The following CEP164 variants were observed in gnomAD, a reference collection of about 807,000 sequenced individuals.
The protein encoded by CEP164 is centrosomal protein of 164 kDa.
A neutral mutation model predicts 182.7 loss-of-function variants in CEP164; 162 were observed. The ratio of observed to expected loss-of-function variants is 0.89; its 90% confidence interval spans 0.78 to 1.01. The LOEUF (loss-of-function observed/expected upper bound fraction) is 1.01. CEP164 is among the 50% of genes least tolerant of loss of function. The probability of loss-of-function intolerance (pLI) is 0.00; values close to 1 mark genes in which losing one functional copy is unlikely to be tolerated. For synonymous variants in CEP164, 661 were observed against 690.0 expected, an observed-to-expected ratio of 0.96 and a Z score of 0.66; for missense variants, 1,735 against 1,790.4, an observed-to-expected ratio of 0.97 and a Z score of 0.56.
intron 18 of CEP164, 54 bp from the exon 19 acceptor site, chr11:117,392,442 C>CT (rs542233812): frequency 1.2e-5 from 19 of 1,590,756 alleles, no homozygotes; most frequent in Admixed American, 3.4e-5. Context: ...CACACAGCAG[C>CT]TGTACAGTCT....
intron 9 of CEP164, 26 bp downstream of exon 9, chr11:117,371,492 G>T (rs1355362733): frequency 6.3e-7 from 1 of 1,584,260 alleles, no homozygotes; most frequent in South Asian, 1.2e-5. Flanking sequence ...CCATAGGCAG[G>T]GGTTGGCTGT....
chr11:117,355,284 T>A, intron 5 of CEP164: 4 of 1,289,762 alleles, frequency 3.1e-6, no homozygotes, highest in Non-Finnish European at 4.0e-6. Flanking sequence ...AAAATCTACC[T>A]GGGGTTTTCA....
At chr11:117,410,011 T>C (rs1240151524) in intron 30 of CEP164, 46 bp downstream of exon 30, 2 of 1,504,012 alleles carry the variant, frequency 1.3e-6, no homozygotes, top group African/African-American at 1.4e-5. Flanking sequence ...CTCCTCCTCC[T>C]CCTCTTCCTT....
intron 30 of CEP164, 69 bp downstream of exon 30, chr11:117,410,034 C>T: frequency 1.5e-6 from 2 of 1,375,468 alleles, no homozygotes; most frequent in South Asian, 1.2e-5. Flanking sequence ...TTTTCTTCTA[C>T]CCTCTTTCTC....
chr11:117,396,445 G>C, intron 25 of CEP164, 105 bp from the exon 26 acceptor site: 1 of 954,470 alleles, frequency 1.0e-6, no homozygotes, highest in Non-Finnish European at 1.7e-6. Flanking sequence ...GGCAGCTAGA[G>C]AGCCATTTCC....
rs2047462610 is a variant in CEP164, at chr11:117,412,507, A to C, written c.*339A>C. On this transcript the variant is annotated 3_prime_UTR_variant, in exon 33 of 33. Transcript: ENST00000278935. Reference sequence around the variant, plus strand: ...TCGGAGGCTCAGGGAGTCCCTTTGGAGCTGGTTGTTTCCTTGGCCCTGCAG... The same window carrying C: ...TCGGAGGCTCAGGGAGTCCCTTTGGCGCTGGTTGTTTCCTTGGCCCTGCAG... 1 of 243,118 alleles carries C rather than the reference A, an allele frequency of 4.1e-6. No individual in the cohort carries two copies. Among genetic ancestry groups the C allele is most frequent in the Non-Finnish European group, 8.1e-6 (1 of 123,166 alleles). 15.1% of individuals were successfully genotyped at this position (243,118 alleles called of 1,614,324 possible). A position where few individuals can be genotyped will look rare whatever the true frequency, so the allele number is the denominator to read the frequency against.
At chr11:117,396,502 T>G (rs1592401495) in intron 25 of CEP164, 48 bp from the exon 26 acceptor site, 1 of 1,488,386 alleles carries the variant, frequency 6.7e-7, no homozygotes, top group East Asian at 2.3e-5. Flanking sequence ...ACCTGCAGGG[T>G]GTCTGCTTTT....
chr11:117,336,655 T>A, intron 2 of CEP164: 1 of 1,005,320 alleles, frequency 9.9e-7, no homozygotes, highest in Admixed American at 1.7e-5. Flanking sequence ...CTCCAGCCTT[T>A]CCACGGCTGC....
chr11:117,370,617 A>G (rs1471021147), intron 8 of CEP164, among the ~76,000 whole-genome samples: 1 of 152,170 alleles, frequency 6.6e-6, no homozygotes, highest in East Asian at 1.9e-4. Context: ...CTGTGTTTTA[A>G]AAAGCTGGGT....
chr11:117,383,069 T>A, intron 14 of CEP164, 127 bp downstream of exon 14: 3 of 1,069,826 alleles, frequency 2.8e-6, no homozygotes, highest in Non-Finnish European at 3.9e-6. Context: ...GTAGGGAGAT[T>A]AAGCATATCC....
intron 2 of CEP164, chr11:117,336,135 T>C: frequency 6.4e-7 from 1 of 1,558,276 alleles, no homozygotes; most frequent in Non-Finnish European, 8.7e-7. Flanking sequence ...CAGTACAACA[T>C]GGCTTCTGAA....
Position 117,396,198 on chromosome 11 carries a change from G to A in CEP164, c.3216+18G>A. 1.4e-6 allele frequency: 2 copies of A among 1,468,444 alleles called. No individual in the cohort carries two copies. Among genetic ancestry groups the A allele is most frequent in the Non-Finnish European group, 1.9e-6 (2 of 1,055,132 alleles). The allele number at this position is 1,468,444 out of a possible 1,614,324, so 91.0% of individuals were successfully genotyped here. A position where few individuals can be genotyped will look rare whatever the true frequency, so the allele number is the denominator to read the frequency against. ...TTGGAACAGTGAGCTGGGGGCTGGGGCCTGGGGGCTGGGGCACCAGGATGG... is the reference window on the plus strand; with the variant it reads ...TTGGAACAGTGAGCTGGGGGCTGGGACCTGGGGGCTGGGGCACCAGGATGG... On this transcript the variant is annotated intron_variant, in intron 25 of 32. Transcript: ENST00000278935.
Position 117,394,913 on chromosome 11 carries a change from T to C in CEP164, c.2761-7T>C. The C allele has an allele frequency of 1.2e-6, 2 of 1,613,798 alleles. No individual in the cohort carries two copies. The highest frequency in any genetic ancestry group is 1.7e-6 in the Non-Finnish European group (2 of 1,179,752). The stretch of plus-strand genomic sequence containing the variant: ...TTCTATGCTTATGTGTTTCCCTTTC[T>C]GGGCAGGAAAGGAAGCTCCAGGATT... On this transcript the variant is annotated splice_region_variant and splice_polypyrimidine_tract_variant and intron_variant, in intron 21 of 32. Transcript: ENST00000278935. The surrounding 1 kb of genome is among the most constrained non-coding windows in gnomAD (Gnocchi z 4.0).
chr11:117,403,421 T>C (rs1029362809), intron 27 of CEP164, among the ~76,000 whole-genome samples: 2 of 152,238 alleles, frequency 1.3e-5, no homozygotes, highest in African/African-American at 4.8e-5. Context: ...TCTGCTTCAC[T>C]TATGAAGCTT....
intron 4 of CEP164, among the ~76,000 whole-genome samples, chr11:117,346,033 T>A (rs963462096): frequency 2.0e-5 from 3 of 152,084 alleles, no homozygotes; most frequent in Non-Finnish European, 4.4e-5. Flanking sequence ...CCACCTCTAT[T>A]GAAGTAAATT....
chr11:117,409,186 AC>A lies in CEP164; in HGVS notation c.3748+160del. On this transcript the variant is annotated intron_variant, in intron 29 of 32. Transcript: ENST00000278935. The surrounding 1 kb of genome is among the most constrained non-coding windows in gnomAD (Gnocchi z 4.4). Reference sequence around the variant, plus strand: ...TCGGTCAGTGCTGGGAAGGAATCACACCATCTAGGTTTGCCAGCACGTGGGG... The same window carrying A: ...TCGGTCAGTGCTGGGAAGGAATCACACATCTAGGTTTGCCAGCACGTGGGG... The A allele has an allele frequency of 2.0e-6, 2 of 988,438 alleles. No individual in the cohort carries two copies. The highest frequency in any genetic ancestry group is 2.9e-6 in the Non-Finnish European group (2 of 679,620). The allele number at this position is 988,438 out of a possible 1,614,324, so 61.2% of individuals were successfully genotyped here.
At chr11:117,388,187 C>T (rs1490101273) in intron 15 of CEP164, among the ~76,000 whole-genome samples, 1 of 152,066 alleles carries the variant, frequency 6.6e-6, no homozygotes, top group African/African-American at 2.4e-5. Flanking sequence ...GCCCACCAGT[C>T]TCCTCCCCTC....
intron 5 of CEP164, among the ~76,000 whole-genome samples, chr11:117,352,709 C>G (rs1592103713): frequency 1.3e-5 from 2 of 152,164 alleles, no homozygotes; most frequent in African/African-American, 4.8e-5. Flanking sequence ...GCCTCAGCCT[C>G]CTGAGTAGTT....
intron 4 of CEP164, among the ~76,000 whole-genome samples, chr11:117,351,092 GCA>G (rs2039560989): frequency 6.6e-6 from 1 of 152,164 alleles, no homozygotes; most frequent in South Asian, 2.1e-4. Context: ...GAGTGCAATG[GCA>G]CAATCTTGGC....
Sources: allele counts gnomAD v4.1 joint callset (sites outside exome capture counted in the v4.1 genomes callset), GRCh38; gene constraint gnomAD v4.1.1; non-coding constraint Gnocchi (gnomAD v3.1); transcripts MANE v1.5; gene names NCBI Gene and HGNC (gene_info 2026-07-23, HGNC 2026-07-21).